LRRC7: variants seen among roughly 807,000 people sequenced by gnomAD.
The protein encoded by LRRC7 is leucine-rich repeat-containing protein 7.
LRRC7 carries 23 observed loss-of-function variants against 175.7 expected under a neutral mutation model. That is an observed-to-expected ratio of 0.13 (90% CI 0.09 to 0.19). The LOEUF (loss-of-function observed/expected upper bound fraction) is 0.19. Ranked by LOEUF, LRRC7 falls within the 10% of genes least tolerant of loss-of-function variation. LRRC7 has a pLI of 1.00. For missense variants in LRRC7, 1,354 were observed against 1,904.7 expected (o/e 0.71, Z 5.38); for synonymous variants, 685 against 680.9 (o/e 1.01, Z -0.09).
intron 2 of LRRC7, among the ~76,000 whole-genome samples, chr1:69,759,092 G>A (rs1402308850): frequency 6.6e-6 from 1 of 151,894 alleles, no homozygotes; most frequent in African/African-American, 2.4e-5. Context: ...TTAGTGGTGT[G>A]GGAACTCAGA....
At chr1:69,592,691 T>C (rs1279790893) in intron 1 of LRRC7, among the ~76,000 whole-genome samples, 27 of 152,126 alleles carry the variant, frequency 1.8e-4, no homozygotes. Context: ...CTCACTTTTA[T>C]ATTTAGCGAT....
intron 2 of LRRC7, among the ~76,000 whole-genome samples, chr1:69,731,070 G>C (rs997500083): frequency 1.3e-5 from 2 of 152,072 alleles, no homozygotes; most frequent in Non-Finnish European, 2.9e-5. Flanking sequence ...GGGAGGCTGA[G>C]GTGGGCGGAT....
At chr1:70,110,587 G>T (rs548736984) in intron 26 of LRRC7, among the ~76,000 whole-genome samples, 2 of 152,188 alleles carry the variant, frequency 1.3e-5, no homozygotes, top group East Asian at 3.9e-4. Flanking sequence ...TTTCAGCCAA[G>T]AATACTGCAG....
chr1:69,991,876 A>G (rs1654472272), intron 10 of LRRC7, among the ~76,000 whole-genome samples: 1 of 152,184 alleles, frequency 6.6e-6, no homozygotes, highest in Non-Finnish European at 1.5e-5. Context: ...GGCAAATGAA[A>G]GGGACTCTTT....
At chr1:69,922,399 A>G (rs1209286276) in intron 7 of LRRC7, among the ~76,000 whole-genome samples, 1 of 151,900 alleles carries the variant, frequency 6.6e-6, no homozygotes, top group East Asian at 1.9e-4. Flanking sequence ...CTGAAAAAGT[A>G]CCTCTCCTTT....
chr1:70,028,197 A>G lies in LRRC7; in HGVS notation c.1821A>G (p.Pro607=), dbSNP rs1219344258. The G allele has an allele frequency of 1.2e-6, 2 of 1,613,702 alleles. No homozygotes were observed. Among genetic ancestry groups the G allele is most frequent in the East Asian group, 2.2e-5 (1 of 44,846 alleles). The change falls in exon 18 of 27, where the codon CCA becomes CCG. Residue 607 remains proline, a synonymous_variant. Coordinates refer to ENST00000651989, the MANE Select transcript of LRRC7 (RefSeq NM_001370785.2). ...TTGAAATAAACCTAAAACGATATCC[A>G]ACTCCTTACCCAGAGGATTTAAAGA... ...RQVEINLKRY[P]TPYPEDLKNM...
At chr1:70,085,067 C>T (rs1338411112) in intron 24 of LRRC7, among the ~76,000 whole-genome samples, 1 of 151,956 alleles carries the variant, frequency 6.6e-6, no homozygotes, top group Non-Finnish European at 1.5e-5. Context: ...ATATTATTTG[C>T]AAATATTTTC....
chr1:70,033,694 C>T (rs1659010888), intron 18 of LRRC7, among the ~76,000 whole-genome samples: 1 of 152,048 alleles, frequency 6.6e-6, no homozygotes, highest in African/African-American at 2.4e-5. Flanking sequence ...GAGTTCCGGT[C>T]ATAATTTTGG....
At chr1:69,606,100 C>T (rs1332514323) in intron 1 of LRRC7, among the ~76,000 whole-genome samples, 2 of 152,094 alleles carry the variant, frequency 1.3e-5, no homozygotes, top group African/African-American at 4.8e-5. Context: ...TGAACTAATT[C>T]CCTTTCATGC....
At chr1:69,593,403 T>C (rs1052740215) in intron 1 of LRRC7, among the ~76,000 whole-genome samples, 1 of 152,024 alleles carries the variant, frequency 6.6e-6, no homozygotes, top group African/African-American at 2.4e-5. Context: ...TTAGAACCAA[T>C]CACAAATGGT....
chr1:69,894,608 T>A (rs1168544639), intron 7 of LRRC7, among the ~76,000 whole-genome samples: 1 of 152,168 alleles, frequency 6.6e-6, no homozygotes, highest in African/African-American at 2.4e-5. Flanking sequence ...TATGGACAGA[T>A]GAATAAAAAA....
At chr1:69,693,477 A>G (rs1280974052) in intron 2 of LRRC7, among the ~76,000 whole-genome samples, 1 of 152,194 alleles carries the variant, frequency 6.6e-6, no homozygotes, top group Non-Finnish European at 1.5e-5. Flanking sequence ...AGACCTAGGG[A>G]GGAGTTGACA....
chr1:69,906,644 G>A (rs1449095837), intron 7 of LRRC7, among the ~76,000 whole-genome samples: 2 of 152,138 alleles, frequency 1.3e-5, no homozygotes, highest in African/African-American at 4.8e-5. Context: ...CCAGTACCAT[G>A]CTGTTTTGGT....
chr1:69,597,054 A>G (rs960401879), intron 1 of LRRC7, among the ~76,000 whole-genome samples: 2 of 152,214 alleles, frequency 1.3e-5, no homozygotes, highest in African/African-American at 4.8e-5. Context: ...ATAAGTATTC[A>G]CTTTCCAAGT....
At chr1:69,851,403 G>C (rs1218697337) in intron 7 of LRRC7, among the ~76,000 whole-genome samples, 1 of 152,090 alleles carries the variant, frequency 6.6e-6, no homozygotes, top group Non-Finnish European at 1.5e-5. Flanking sequence ...ATACTAGCAG[G>C]CTGATGAAAA....
intron 10 of LRRC7, among the ~76,000 whole-genome samples, chr1:69,987,133 C>T (rs1485875160): frequency 6.6e-6 from 1 of 151,848 alleles, no homozygotes; most frequent in East Asian, 1.9e-4. Context: ...CCCAGCTACT[C>T]GGGAGGGAGG....
At chr1:69,960,114 C>T (rs1650898600) in intron 8 of LRRC7, among the ~76,000 whole-genome samples, 1 of 151,898 alleles carries the variant, frequency 6.6e-6, no homozygotes, top group Non-Finnish European at 1.5e-5. Flanking sequence ...CCGTCTGGTC[C>T]TGGGTTTTGG....
intron 4 of LRRC7, among the ~76,000 whole-genome samples, chr1:69,807,264 G>A (rs2101121051): frequency 6.6e-6 from 1 of 152,138 alleles, no homozygotes; most frequent in Non-Finnish European, 1.5e-5. Flanking sequence ...GCCAGTCTGT[G>A]TCTTTTAATT....
At position 69,718,130 on chromosome 1, in the gene LRRC7, G is replaced by GAGAGAGAGAAAGAA. The variant is rs1557643261; in HGVS notation, c.100+39653_100+39654insGAGAGAGAAAGAAA. 9.2e-3 allele frequency among the ~76,000 whole-genome samples: 411 copies of GAGAGAGAGAAAGAA among 44,724 alleles called. 7 individuals are homozygous for GAGAGAGAGAAAGAA. The highest frequency in any genetic ancestry group is 0.032 in the South Asian group (38 of 1,172). 29.3% of individuals were successfully genotyped at this position (44,724 alleles called of 152,430 possible). On this transcript the variant is annotated intron_variant, in intron 2 of 26. Transcript: ENST00000651989. ...GAGAAAAAGAAAGAAAGAAAGAAAA[G>GAGAGAGAGAAAGAA]AAAGAAAGAGAGAGAAAGAAAGAAA...
Sources: allele counts gnomAD v4.1 joint callset (sites outside exome capture counted in the v4.1 genomes callset), GRCh38; gene constraint gnomAD v4.1.1; transcripts MANE v1.5; gene names NCBI Gene and HGNC (gene_info 2026-07-23, HGNC 2026-07-21).